DBH: variants seen among roughly 807,000 people sequenced by gnomAD.
The protein encoded by DBH is dopamine beta-hydroxylase (dopamine beta-monooxygenase).
A neutral mutation model predicts 64.0 loss-of-function variants in DBH; 49 were observed. The ratio of observed to expected loss-of-function variants is 0.77; its 90% CI spans 0.61 to 0.97. The LOEUF is 0.97. Ranked by LOEUF, DBH falls within the 50% of genes least tolerant of loss-of-function variation. DBH has a pLI of 0.00. For missense variants in DBH, 828 were observed against 826.6 expected, an observed-to-expected ratio of 1.00 and a Z score of -0.02; for synonymous variants, 343 against 347.1, an observed-to-expected ratio of 0.99 and a Z score of 0.13.
At chr9:133,653,023 G>A in intron 9 of DBH, 24 bp downstream of exon 9, 1 of 1,588,782 alleles carries the variant, frequency 6.3e-7, no homozygotes. Flanking sequence ...GCTTCCCCCT[G>A]CACCTGCCCA....
At chr9:133,652,012 C>T (rs1246493707) in intron 7 of DBH, among the ~76,000 whole-genome samples, 7 of 152,182 alleles carry the variant, frequency 4.6e-5, no homozygotes, top group Admixed American at 2.0e-4. Flanking sequence ...GAGACCCAGG[C>T]GGCCCTCTGG....
chr9:133,648,579 G>A (rs758727572), intron 6 of DBH, among the ~76,000 whole-genome samples: 2 of 152,236 alleles, frequency 1.3e-5, no homozygotes, highest in Non-Finnish European at 2.9e-5. Flanking sequence ...CACAGGATGG[G>A]GTTTTCACCA....
intron 5 of DBH, among the ~76,000 whole-genome samples, chr9:133,645,263 G>A (rs1295406346): frequency 6.6e-6 from 1 of 150,798 alleles, no homozygotes; most frequent in African/African-American, 2.4e-5. Flanking sequence ...TTTCCTGGCT[G>A]CATAAGTAAT....
intron 5 of DBH, among the ~76,000 whole-genome samples, chr9:133,645,763 C>G (rs1387610075): frequency 6.6e-6 from 1 of 152,164 alleles, no homozygotes; most frequent in Non-Finnish European, 1.5e-5. Context: ...CCCCAGTCCA[C>G]AGCCCTGGGT....
chr9:133,647,853 C>T lies in DBH; in HGVS notation c.1032C>T (p.Asn344=), dbSNP rs781468732. The T allele has an allele frequency of 5.6e-6, 9 of 1,614,086 alleles. No homozygotes were observed. The highest frequency in any genetic ancestry group is 2.2e-5 in the South Asian group (2 of 91,094). Residue 344 remains asparagine, a synonymous_variant, in exon 6 of 12, where the codon AAC becomes AAT. Coordinates refer to ENST00000393056, the MANE Select transcript of DBH (RefSeq NM_000787.4). ...YHNPLVIEGR[N]DSSGIRLYYT... Reference sequence around the variant, plus strand: ...CATCCCACCTTCTCCCAGGACGAAACGACTCCTCAGGCATCCGCTTGTACT... The same window carrying T: ...CATCCCACCTTCTCCCAGGACGAAATGACTCCTCAGGCATCCGCTTGTACT...
At chr9:133,656,028 C>A (rs752795465) in intron 9 of DBH, 104 of 235,370 alleles carry the variant, frequency 4.4e-4, no homozygotes, top group Admixed American at 5.5e-4. Flanking sequence ...CCCCTCAGAG[C>A]CACGTTGGAG....
At chr9:133,647,641 TG>T (rs2131288613) in intron 5 of DBH, among the ~76,000 whole-genome samples, 1 of 152,304 alleles carries the variant, frequency 6.6e-6, no homozygotes, top group South Asian at 2.1e-4. Flanking sequence ...TTGCGTTAAT[TG>T]ATCTTGCGAG....
intron 11 of DBH, 176 bp downstream of exon 11, chr9:133,657,405 A>T: frequency 2.0e-6 from 1 of 509,412 alleles, no homozygotes; most frequent in Non-Finnish European, 3.5e-6. Flanking sequence ...CAGCAGAGAG[A>T]GAGGAGAGAG....
chr9:133,637,033 C>T (rs1057332386), intron 1 of DBH, among the ~76,000 whole-genome samples: 2 of 152,206 alleles, frequency 1.3e-5, no homozygotes, highest in Admixed American at 6.5e-5. Context: ...ACCCCACACG[C>T]GCATGAGCAC....
chr9:133,648,691 G>T (rs1254407161), intron 6 of DBH, among the ~76,000 whole-genome samples: 7 of 152,240 alleles, frequency 4.6e-5, no homozygotes, highest in African/African-American at 1.7e-4. Context: ...TGGAGGCACA[G>T]GTTGGCGCTT....
chr9:133,647,791 G>A, intron 5 of DBH, 55 bp from the exon 6 acceptor site: 3 of 1,603,550 alleles, frequency 1.9e-6, no homozygotes, highest in Non-Finnish European at 2.6e-6. Context: ...TCCGCAGGGG[G>A]AAGTGAGAGG....
At chr9:133,650,203 G>A (rs890980032) in intron 6 of DBH, among the ~76,000 whole-genome samples, 1 of 152,286 alleles carries the variant, frequency 6.6e-6, no homozygotes, top group Admixed American at 6.5e-5. Context: ...AGCTATAGGC[G>A]ACGGCAAGGT....
chr9:133,658,222 C>A, intron 11 of DBH, 94 bp from the exon 12 acceptor site: 2 of 1,540,856 alleles, frequency 1.3e-6, no homozygotes, highest in Non-Finnish European at 1.8e-6. Flanking sequence ...AGTTTGAGGG[C>A]AAGAATCCAA....
At position 133,643,779 on chromosome 9, in the gene DBH, T is replaced by A. The variant is rs900524898; in HGVS notation, c.921+190T>A. 1.3e-5 allele frequency among the ~76,000 whole-genome samples: 2 copies of A among 152,138 alleles called. No homozygotes were observed. Among genetic ancestry groups the A allele is most frequent in the African/African-American group, 4.8e-5 (2 of 41,442 alleles). On this transcript the variant is annotated intron_variant, in intron 4 of 11. Coordinates refer to ENST00000393056, the MANE Select transcript of DBH (RefSeq NM_000787.4). The surrounding 1 kb of genome is among the most constrained non-coding windows in gnomAD (Gnocchi z 5.3). ...GTGATGTCTGAAATGCTTCAAGCCT[T>A]TTTTTTATTTTCCACAGAAACGCAA...
rs141319868 is a variant in DBH, at chr9:133,639,960, G to C, written c.454G>C (p.Gly152Arg). ...GACCCTGCTTTTCAAGAGGCCCTTTGGCACCTGCGACCCCAAGGATTACCT... is the reference window on the plus strand; with the variant it reads ...GACCCTGCTTTTCAAGAGGCCCTTTCGCACCTGCGACCCCAAGGATTACCT... ...GLTLLFKRPF[G>R]TCDPKDYLIE... The change falls in exon 2 of 12, where the codon GGC becomes CGC. Residue 152 changes from glycine (G) to arginine (R), a missense_variant. Transcript: ENST00000393056. 6.8e-5 allele frequency: 110 copies of C among 1,613,956 alleles called. No homozygotes were observed. In the East Asian group the frequency reaches 2.5e-3, roughly 36 times the overall value.
At chr9:133,657,009 G>A (rs574519373) in intron 10 of DBH, 61 bp from the exon 11 acceptor site, 1 of 1,576,142 alleles carries the variant, frequency 6.3e-7, no homozygotes, top group Non-Finnish European at 8.7e-7. Context: ...TGTTGCTGGT[G>A]CCCACTGGGC....
chr9:133,636,788 C>G, intron 1 of DBH, 78 bp downstream of exon 1: 1 of 1,322,458 alleles, frequency 7.6e-7, no homozygotes, highest in South Asian at 1.2e-5. Flanking sequence ...TGCACTCACC[C>G]TCCTTAACCC....
chr9:133,645,405 G>A (rs568111257), intron 5 of DBH, among the ~76,000 whole-genome samples: 10 of 152,262 alleles, frequency 6.6e-5, no homozygotes, highest in African/African-American at 2.4e-4. Flanking sequence ...AACTCCTGAA[G>A]CATCAGGGAA....
In DBH at chr9:133,636,458, C is replaced by T. The variant is rs1832053358; in HGVS notation, c.87C>T (p.Phe29=). The T allele has an allele frequency of 3.7e-6, 6 of 1,612,770 alleles. No individual in the cohort carries two copies. In the African/African-American group the frequency reaches 6.7e-5, roughly 18 times the overall value. Residue 29 remains phenylalanine, a synonymous_variant, in exon 1 of 12, where the codon TTC becomes TTT. Coordinates refer to ENST00000393056, the MANE Select transcript of DBH (RefSeq NM_000787.4). ...AFMYSTAVAI[F]LVILVAALQG... ...TGTACAGCACAGCAGTGGCCATCTTCCTGGTCATCCTGGTGGCCGCACTGC... is the reference window on the plus strand; with the variant it reads ...TGTACAGCACAGCAGTGGCCATCTTTCTGGTCATCCTGGTGGCCGCACTGC...
Sources: allele counts gnomAD v4.1 joint callset (sites outside exome capture counted in the v4.1 genomes callset), GRCh38; gene constraint gnomAD v4.1.1; non-coding constraint Gnocchi (gnomAD v3.1); transcripts MANE v1.5; gene names NCBI Gene and HGNC (gene_info 2026-07-23, HGNC 2026-07-21).